The following SLC44A5 variants were observed in gnomAD, a reference collection of about 807,000 sequenced individuals.
The protein encoded by SLC44A5 is choline transporter-like protein 5.
In SLC44A5, 57 loss-of-function variants were observed where a neutral mutation model predicts 101.8. The observed-to-expected ratio is 0.56, with a 90% CI of 0.45 to 0.70. The LOEUF (loss-of-function observed/expected upper bound fraction) is 0.70. Ranked by LOEUF, SLC44A5 falls within the 30% of genes least tolerant of loss-of-function variation. The probability of loss-of-function intolerance (pLI) is 0.00; values close to 1 mark genes in which losing one functional copy is unlikely to be tolerated. For missense variants in SLC44A5, 737 were observed against 853.1 expected (o/e 0.86, Z 1.70); for synonymous variants, 281 against 290.9 (o/e 0.97, Z 0.35).
At chr1:75,365,638 AAATGCCCATC>A (rs1659803357) in intron 3 of SLC44A5, among the ~76,000 whole-genome samples, 1 of 152,228 alleles carries the variant, frequency 6.6e-6, no homozygotes, top group African/African-American at 2.4e-5. Flanking sequence ...GAATCAACCT[AAATGCCCATC>A]AATGATAGAC....
rs1200736190 is a variant in SLC44A5 at position 75,610,016 on chromosome 1, T to C, written c.-70+1024A>G. Among the ~76,000 whole-genome samples, 5 of 151,952 alleles carry C rather than the reference T, an allele frequency of 3.3e-5. No individual in the cohort carries two copies. The South Asian group carries it at 6.2e-4, about 19-fold the overall frequency. The stretch of plus-strand genomic sequence containing the variant: ...ACAGTCATCTGAAGGCTTGACTTGG[T>C]TGCAGGGTCTGTTCCCAAGATAGAT... On this transcript the variant is annotated intron_variant, in intron 1 of 23. Coordinates refer to ENST00000370859, the MANE Select transcript of SLC44A5 (RefSeq NM_001130058.2).
At chr1:75,425,230 C>T (rs1408900048) in intron 2 of SLC44A5, among the ~76,000 whole-genome samples, 2 of 152,200 alleles carry the variant, frequency 1.3e-5, no homozygotes, top group Non-Finnish European at 2.9e-5. Context: ...AATAACAAAG[C>T]CATGGTCTTT....
intron 1 of SLC44A5, among the ~76,000 whole-genome samples, chr1:75,578,713 T>C (rs1673513602): frequency 6.6e-6 from 1 of 152,134 alleles, no homozygotes; most frequent in Non-Finnish European, 1.5e-5. Context: ...CAGAGCTTTA[T>C]TGTACAACAT....
At chr1:75,203,906 T>A (rs1405799238) in intron 23 of SLC44A5, 73 bp from the exon 24 acceptor site, 12 of 1,445,772 alleles carry the variant, frequency 8.3e-6, no homozygotes, top group Non-Finnish European at 1.1e-5. Context: ...ATCTGCTGTA[T>A]ACTCGCTTTA....
chr1:75,529,029 T>C (rs1557877101), intron 2 of SLC44A5, among the ~76,000 whole-genome samples: 1 of 152,336 alleles, frequency 6.6e-6, no homozygotes, highest in East Asian at 1.9e-4. Context: ...TACATTATCT[T>C]GTTTACTTAC....
chr1:75,616,044 C>A (rs900270568), upstream of SLC44A5, among the ~76,000 whole-genome samples: 11 of 151,942 alleles, frequency 7.2e-5, no homozygotes, highest in African/African-American at 2.4e-4. Flanking sequence ...GCGCTCAGCT[C>A]GGCTCGGCTC....
chr1:75,411,843 TTTG>T (rs772727623), intron 2 of SLC44A5, among the ~76,000 whole-genome samples: 10 of 152,142 alleles, frequency 6.6e-5, no homozygotes, highest in Non-Finnish European at 1.5e-4. Context: ...ACAATGATAT[TTTG>T]TTGTTGTTGT....
At chr1:75,699,336 G>T in the SLC44A5 span, among the ~76,000 whole-genome samples, 6 of 152,024 alleles carry the variant, frequency 3.9e-5, no homozygotes, top group Admixed American at 6.6e-5. Context: ...AGAAGAATTG[G>T]GGGCCAATAT....
intron 2 of SLC44A5, among the ~76,000 whole-genome samples, chr1:75,476,057 C>T (rs193021951): frequency 6.6e-6 from 1 of 152,128 alleles, no homozygotes; most frequent in Admixed American, 6.5e-5. Context: ...GTGGTGCGCA[C>T]CTGTAATCCC....
At chr1:75,633,888 A>T in the SLC44A5 span, among the ~76,000 whole-genome samples, 18 of 152,314 alleles carry the variant, frequency 1.2e-4, no homozygotes, top group Non-Finnish European at 1.8e-4. Context: ...ATTTTGAGAT[A>T]TGTCCCATCA....
intron 4 of SLC44A5, among the ~76,000 whole-genome samples, chr1:75,334,380 G>A (rs1657285052): frequency 6.6e-6 from 1 of 152,140 alleles, no homozygotes; most frequent in South Asian, 2.1e-4. Context: ...TGGTTAGAAG[G>A]AAAGCAAGAC....
At chr1:75,388,609 T>C (rs947931787) in intron 3 of SLC44A5, among the ~76,000 whole-genome samples, 14 of 151,986 alleles carry the variant, frequency 9.2e-5, no homozygotes. Flanking sequence ...TGAAACCCTG[T>C]CTCTACTAAT....
chr1:75,500,580 T>G (rs1668906965), intron 2 of SLC44A5, among the ~76,000 whole-genome samples: 2 of 152,176 alleles, frequency 1.3e-5, no homozygotes, highest in Admixed American at 1.3e-4. Context: ...TTTTTTAACT[T>G]TATATGAAAT....
chr1:75,264,128 TAAA>T (rs60140695), intron 6 of SLC44A5, among the ~76,000 whole-genome samples: 8,108 of 141,592 alleles, frequency 0.057, 259 homozygotes, highest in Middle Eastern at 0.14. Context: ...TTAAAGTATT[TAAA>T]AAAAAAAAAA....
At chr1:75,406,903 GAGA>G (rs1662909959) in intron 2 of SLC44A5, among the ~76,000 whole-genome samples, 1 of 152,052 alleles carries the variant, frequency 6.6e-6, no homozygotes, top group Non-Finnish European at 1.5e-5. Context: ...CAAATAGGAA[GAGA>G]AGAAGTCAAA....
rs117612317 is a variant in SLC44A5 at position 75,373,751 on chromosome 1, G to A, written c.52+22832C>T. Among the ~76,000 whole-genome samples, 207 of 152,218 alleles carry A rather than the reference G, an allele frequency of 1.4e-3. 3 individuals are homozygous for A. The East Asian group carries it at 0.028, about 21-fold the overall frequency. ...GGTTGCCCACAGCACAGCCTCTACT[G>A]CCCCACCTGAGTGTTTTGCCAGCTG... On this transcript the variant is annotated intron_variant, in intron 3 of 23. Coordinates refer to ENST00000370859, the MANE Select transcript of SLC44A5 (RefSeq NM_001130058.2).
intron 2 of SLC44A5, among the ~76,000 whole-genome samples, chr1:75,457,779 C>T (rs571459690): frequency 3.2e-4 from 48 of 152,064 alleles, no homozygotes; most frequent in Non-Finnish European, 6.0e-4. Flanking sequence ...ATAGCTTGAA[C>T]CCGCGAGGCG....
chr1:75,499,847 C>T (rs1041239406), intron 2 of SLC44A5, among the ~76,000 whole-genome samples: 2 of 152,200 alleles, frequency 1.3e-5, no homozygotes, highest in African/African-American at 4.8e-5. Flanking sequence ...TATCCCTTCT[C>T]CTGGGCACAC....
intron 3 of SLC44A5, chr1:75,357,143 T>C (rs746004025): frequency 2.2e-6 from 1 of 454,286 alleles, no homozygotes; most frequent in South Asian, 1.6e-5. Flanking sequence ...CATCTTCAGT[T>C]ATCTTACTTG....
Sources: allele counts gnomAD v4.1 joint callset (sites outside exome capture counted in the v4.1 genomes callset), GRCh38; gene constraint gnomAD v4.1.1; transcripts MANE v1.5; gene names NCBI Gene and HGNC (gene_info 2026-07-23, HGNC 2026-07-21).